Variants in DLC1 observed in about 807,000 individuals in gnomAD.
DLC1 encodes the protein DLC1 Rho GTPase activating protein.
In DLC1, 54 loss-of-function variants were observed where a neutral mutation model predicts 140.3. That is an observed-to-expected ratio of 0.38 (90% CI 0.31 to 0.48). The LOEUF is 0.48. Ranked by LOEUF, DLC1 falls within the 20% of genes least tolerant of loss-of-function variation. The pLI is 0.96. For missense variants in DLC1, 2,536 were observed against 1,907.0 expected, an observed-to-expected ratio of 1.33 and a Z score of -6.14; for synonymous variants, 986 against 728.1, an observed-to-expected ratio of 1.35 and a Z score of -5.70.
At chr8:13,544,654 C>T (rs1252661243) in intron 1 of DLC1, among the ~76,000 whole-genome samples, 2 of 152,104 alleles carry the variant, frequency 1.3e-5, no homozygotes, top group African/African-American at 4.8e-5. Context: ...GTCTAATAGC[C>T]TGTGTTCGAG....
chr8:13,451,061 A>AG (rs1554522600), intron 2 of DLC1, among the ~76,000 whole-genome samples: 252 of 138,330 alleles, frequency 1.8e-3, no homozygotes, highest in Non-Finnish European at 2.6e-3. Context: ...AAAAAAAAAA[A>AG]AAAAAAAGAA....
At chr8:13,260,699 T>C (rs767376484) in intron 5 of DLC1, among the ~76,000 whole-genome samples, 2 of 152,150 alleles carry the variant, frequency 1.3e-5, no homozygotes, top group Non-Finnish European at 2.9e-5. Flanking sequence ...ATATCATTTA[T>C]ATATATGGTA....
chr8:13,406,892 C>G (rs1030429614), intron 2 of DLC1, among the ~76,000 whole-genome samples: 1 of 152,182 alleles, frequency 6.6e-6, no homozygotes, highest in Non-Finnish European at 1.5e-5. Context: ...ATTTAGCTGA[C>G]TGTGAGCTGA....
In DLC1 at chr8:13,324,364, C is replaced by G. The variant is rs543914656; in HGVS notation, c.1315-19062G>C. On this transcript the variant is annotated intron_variant, in intron 4 of 17. Transcript: ENST00000276297. The stretch of plus-strand genomic sequence containing the variant: ...CGGATGGATCACGAGGTCAGGAGAT[C>G]GAGACCATCCTGGTTAATACGGTGA... 4.2e-5 allele frequency among the ~76,000 whole-genome samples: 6 copies of G among 141,782 alleles called. No homozygotes were observed. The South Asian group carries it at 1.2e-3, about 29-fold the overall frequency. The allele number at this position is 141,782 out of a possible 152,430, so 93.0% of individuals were successfully genotyped here.
At chr8:13,424,964 G>A (rs774876002) in intron 2 of DLC1, among the ~76,000 whole-genome samples, 4 of 152,142 alleles carry the variant, frequency 2.6e-5, no homozygotes, top group Non-Finnish European at 5.9e-5. Context: ...CTATAAATAT[G>A]ATCATATGCA....
chr8:13,362,680 C>T (rs1835287640), intron 4 of DLC1, among the ~76,000 whole-genome samples: 1 of 152,062 alleles, frequency 6.6e-6, no homozygotes, highest in Non-Finnish European at 1.5e-5. Context: ...GGAAGGGGAA[C>T]TTGTATTATA....
chr8:13,330,479 C>G (rs2116941596), intron 4 of DLC1, among the ~76,000 whole-genome samples: 1 of 152,312 alleles, frequency 6.6e-6, no homozygotes, highest in South Asian at 2.1e-4. Context: ...GCCTCTTTTT[C>G]CATGCCACCC....
intron 2 of DLC1, among the ~76,000 whole-genome samples, chr8:13,425,747 C>G (rs907210550): frequency 6.6e-6 from 1 of 152,166 alleles, no homozygotes; most frequent in Non-Finnish European, 1.5e-5. Context: ...CTCCTCCCCA[C>G]TAAAAACTAT....
At chr8:13,481,901 C>A (rs2117121028) in intron 2 of DLC1, among the ~76,000 whole-genome samples, 1 of 152,208 alleles carries the variant, frequency 6.6e-6, no homozygotes, top group Middle Eastern at 3.4e-3. Flanking sequence ...CGAAGAAGCC[C>A]ATGTCAACAT....
intron 2 of DLC1, among the ~76,000 whole-genome samples, chr8:13,410,652 T>TAAA (rs71207151): frequency 6.8e-6 from 1 of 147,660 alleles, no homozygotes; most frequent in African/African-American, 2.5e-5. Context: ...AAGACCATTA[T>TAAA]AAAAAAAAAA....
chr8:13,208,562 A>G (rs1289042294), intron 5 of DLC1, among the ~76,000 whole-genome samples: 2 of 152,182 alleles, frequency 1.3e-5, no homozygotes, highest in Admixed American at 6.6e-5. Flanking sequence ...TTTTAGATTA[A>G]AAGTTCTTCT....
At chr8:13,445,810 C>T (rs1460117516) in intron 2 of DLC1, among the ~76,000 whole-genome samples, 1 of 152,172 alleles carries the variant, frequency 6.6e-6, no homozygotes, top group East Asian at 1.9e-4. Context: ...AATCTGCATA[C>T]TTAGCACCTG....
intron 3 of DLC1, among the ~76,000 whole-genome samples, chr8:13,395,775 G>T (rs572272144): frequency 4.9e-4 from 64 of 129,832 alleles, no homozygotes; most frequent in African/African-American, 1.7e-3. Context: ...GTGCGTGTGT[G>T]TAGAAGACAT....
At chr8:13,396,075 T>G (rs1837029703) in intron 3 of DLC1, among the ~76,000 whole-genome samples, 1 of 150,374 alleles carries the variant, frequency 6.7e-6, no homozygotes, top group Admixed American at 6.6e-5. Flanking sequence ...TTTTTTTTTT[T>G]TTGAGACGGA....
rs1361048975 is a variant in DLC1, at chr8:13,474,602, G to A, written c.1023+24447C>T. Among the ~76,000 whole-genome samples, 4 of 152,204 alleles carry A rather than the reference G, an allele frequency of 2.6e-5. No individual in the cohort carries two copies. In the South Asian group the frequency reaches 8.3e-4, roughly 31 times the overall value. ...CACCAGCCCGTGAAAGCAGCTGGGA[G>A]AGGGGCTAAAACCTGCAAAGCCACA... On this transcript the variant is annotated intron_variant, in intron 2 of 17. Transcript: ENST00000276297.
chr8:13,404,531 C>T (rs1837439921), intron 2 of DLC1, among the ~76,000 whole-genome samples: 1 of 152,136 alleles, frequency 6.6e-6, no homozygotes, highest in Non-Finnish European at 1.5e-5. Context: ...GTTTAGTCAA[C>T]ATAATAACAT....
chr8:13,328,140 A>C (rs1376126501), intron 4 of DLC1, among the ~76,000 whole-genome samples: 1 of 152,222 alleles, frequency 6.6e-6, no homozygotes, highest in Non-Finnish European at 1.5e-5. Context: ...GCTAATAAGC[A>C]CTGAGCACCT....
At chr8:13,368,223 A>G (rs575069802) in intron 4 of DLC1, among the ~76,000 whole-genome samples, 1 of 152,208 alleles carries the variant, frequency 6.6e-6, no homozygotes, top group Non-Finnish European at 1.5e-5. Flanking sequence ...TAATGTCTCA[A>G]ACTTGATAAA....
rs188923105 is a variant in DLC1 at position 13,227,525 on chromosome 8, A to G, written c.1348+77744T>C. Among the ~76,000 whole-genome samples, 213 of 152,290 alleles carry G rather than the reference A, an allele frequency of 1.4e-3. 2 individuals are homozygous for G. The highest frequency in any genetic ancestry group is 4.7e-3 in the African/African-American group (194 of 41,574). ...ACCTGTGCTTCACTGGTAGCTGAAA[A>G]TTCAAGATATAGGCTATCTCCATGC... On this transcript the variant is annotated intron_variant, in intron 5 of 17. Transcript: ENST00000276297.
Sources: allele counts gnomAD v4.1 joint callset (sites outside exome capture counted in the v4.1 genomes callset), GRCh38; gene constraint gnomAD v4.1.1; transcripts MANE v1.5; gene names NCBI Gene and HGNC (gene_info 2026-07-23, HGNC 2026-07-21).